CNTN5: variants seen among roughly 807,000 people sequenced by gnomAD.
CNTN5 encodes contactin-5.
A neutral mutation model predicts 129.1 loss-of-function variants in CNTN5; 77 were observed. That is an observed-to-expected ratio of 0.60 (90% CI 0.50 to 0.72). The LOEUF (loss-of-function observed/expected upper bound fraction) is 0.72, where lower values mean the gene tolerates loss of function less well. CNTN5 is among the 30% of genes least tolerant of loss of function. The pLI, the probability that CNTN5 is intolerant of heterozygous loss-of-function variation, is 0.00. For synonymous variants in CNTN5, 509 were observed against 465.6 expected (o/e 1.09, Z -1.20); for missense variants, 1,478 against 1,328.8 (o/e 1.11, Z -1.75).
At chr11:99,193,044 GCTT>G (rs1347064854) in intron 1 of CNTN5, among the ~76,000 whole-genome samples, 8 of 152,052 alleles carry the variant, frequency 5.3e-5, no homozygotes, top group African/African-American at 1.9e-4. Flanking sequence ...GCTAAGTAGA[GCTT>G]CTTGTTTCTC....
At position 99,952,474 on chromosome 11, in the gene CNTN5, C is replaced by A. The variant is rs577775907; in HGVS notation, c.674-4332C>A. 2.0e-5 allele frequency among the ~76,000 whole-genome samples: 3 copies of A among 152,190 alleles called. No homozygotes were observed. The East Asian group carries it at 5.8e-4, about 29-fold the overall frequency. ...CAGCATCAGTAAAAATTAATACAAG[C>A]ATATAGAAAATAAATAAATGCAAAA... On this transcript the variant is annotated intron_variant, in intron 7 of 24. Transcript: ENST00000524871.
intron 13 of CNTN5, among the ~76,000 whole-genome samples, chr11:100,076,510 GT>G (rs1041241125): frequency 1.3e-5 from 2 of 151,990 alleles, no homozygotes; most frequent in African/African-American, 4.8e-5. Context: ...GAAAAATACA[GT>G]TTGTGAATTT....
chr11:100,154,495 G>C (rs1425079264), intron 13 of CNTN5, among the ~76,000 whole-genome samples: 2 of 152,152 alleles, frequency 1.3e-5, no homozygotes, highest in Non-Finnish European at 2.9e-5. Context: ...ATGTGCAGAT[G>C]TCTTTATAGT....
At chr11:99,979,496 A>AG (rs1159479826) in intron 8 of CNTN5, among the ~76,000 whole-genome samples, 2 of 152,200 alleles carry the variant, frequency 1.3e-5, no homozygotes, top group African/African-American at 4.8e-5. Flanking sequence ...AAACCAAAAA[A>AG]CAAACCCACC....
chr11:99,642,885 GT>G (rs1327664185), intron 3 of CNTN5, among the ~76,000 whole-genome samples: 5 of 152,056 alleles, frequency 3.3e-5, no homozygotes, highest in Non-Finnish European at 5.9e-5. Flanking sequence ...TTACCATAAT[GT>G]CCTCTAGGTT....
At chr11:99,947,015 A>G (rs1158336209) in intron 7 of CNTN5, among the ~76,000 whole-genome samples, 3 of 116,126 alleles carry the variant, frequency 2.6e-5, no homozygotes, top group Middle Eastern at 4.8e-3. Flanking sequence ...ATTCTACATG[A>G]TTATGAAAAT....
chr11:99,114,682 T>C (rs116870320), intron 1 of CNTN5, among the ~76,000 whole-genome samples: 7,365 of 152,226 alleles, frequency 0.048, 203 homozygotes, highest in Middle Eastern at 0.065. Context: ...TAGTAATCAA[T>C]ACATAGCCAT....
intron 19 of CNTN5, 88 bp downstream of exon 19, chr11:100,297,783 C>T: frequency 9.8e-7 from 1 of 1,016,552 alleles, no homozygotes; most frequent in Non-Finnish European, 1.5e-6. Context: ...AAGCAGTCCA[C>T]TTGATTCATT....
At position 100,010,834 on chromosome 11, in the gene CNTN5, C is replaced by A. The variant is rs985140829; in HGVS notation, c.980+8698C>A. ...TCCTCTGTCTAAAATATCTATCCTG[C>A]CCCACAATCCTATTCAGTAAGGCTT... On this transcript the variant is annotated intron_variant, in intron 9 of 24. Transcript: ENST00000524871. 7.2e-5 allele frequency among the ~76,000 whole-genome samples: 11 copies of A among 152,240 alleles called. No homozygotes were observed. In the East Asian group the frequency reaches 2.1e-3, roughly 29 times the overall value.
chr11:99,858,008 C>G (rs1010773572), intron 6 of CNTN5, among the ~76,000 whole-genome samples: 20 of 151,846 alleles, frequency 1.3e-4, no homozygotes, highest in Non-Finnish European at 2.9e-4. Context: ...AAGTGTCTAC[C>G]CAGTGCCACT....
chr11:99,939,259 TTA>T (rs1950381565), intron 7 of CNTN5, among the ~76,000 whole-genome samples: 1 of 152,124 alleles, frequency 6.6e-6, no homozygotes. Context: ...TCCTCCTTTA[TTA>T]TGTTTACTAT....
intron 15 of CNTN5, among the ~76,000 whole-genome samples, chr11:100,213,853 T>G (rs1209321376): frequency 6.6e-6 from 1 of 152,154 alleles, no homozygotes; most frequent in East Asian, 1.9e-4. Context: ...AAGATAGTGT[T>G]AAAATGGATG....
intron 1 of CNTN5, among the ~76,000 whole-genome samples, chr11:99,159,027 C>T (rs1860466877): frequency 6.6e-6 from 1 of 152,108 alleles, no homozygotes; most frequent in South Asian, 2.1e-4. Context: ...TGCAAGATTA[C>T]TGCCTGTCCA....
chr11:99,372,306 G>A (rs1294235272), intron 2 of CNTN5, among the ~76,000 whole-genome samples: 1 of 152,042 alleles, frequency 6.6e-6, no homozygotes, highest in Non-Finnish European at 1.5e-5. Flanking sequence ...CATTATTACT[G>A]TGATCAAAGA....
At chr11:99,592,206 A>G (rs929509363) in intron 3 of CNTN5, among the ~76,000 whole-genome samples, 1 of 152,200 alleles carries the variant, frequency 6.6e-6, no homozygotes, top group African/African-American at 2.4e-5. Flanking sequence ...CACAAAGTTG[A>G]CTGTTTTCAA....
At chr11:99,669,180 T>C (rs78361792) in intron 3 of CNTN5, among the ~76,000 whole-genome samples, 1,617 of 152,188 alleles carry the variant, frequency 0.011, 33 homozygotes, top group African/African-American at 0.035. Flanking sequence ...GTCTTATTGG[T>C]CAGTGAAGGT....
chr11:99,532,338 T>C (rs1304364576), intron 2 of CNTN5, among the ~76,000 whole-genome samples: 1 of 152,174 alleles, frequency 6.6e-6, no homozygotes, highest in Non-Finnish European at 1.5e-5. Flanking sequence ...TTCTAGGAAG[T>C]AACTAACTTG....
chr11:99,814,288 G>T (rs762930359), intron 3 of CNTN5, among the ~76,000 whole-genome samples: 1 of 152,124 alleles, frequency 6.6e-6, no homozygotes, highest in Non-Finnish European at 1.5e-5. Flanking sequence ...GCATGTGAGG[G>T]ACTGTCTCTT....
intron 2 of CNTN5, among the ~76,000 whole-genome samples, chr11:99,470,627 C>T (rs911611390): frequency 3.3e-5 from 5 of 151,748 alleles, no homozygotes; most frequent in Admixed American, 1.3e-4. Flanking sequence ...ACCTTATTTC[C>T]TCATCCACAA....
Sources: gnomAD v4.1 joint callset for allele counts (sites outside exome capture counted in the v4.1 genomes callset) on GRCh38, gnomAD v4.1.1 for gene constraint, MANE v1.5 for transcripts, NCBI Gene and HGNC (gene_info 2026-07-23, HGNC 2026-07-21) for gene names.